The following INPP4B variants were observed in gnomAD, a reference collection of about 807,000 sequenced individuals.
The protein encoded by INPP4B is inositol polyphosphate-4-phosphatase type II B, also known as inositol polyphosphate 4-phosphatase type II.
In INPP4B, 55 loss-of-function variants were observed where a neutral mutation model predicts 122.5. That is an observed-to-expected ratio of 0.45 (90% CI 0.36 to 0.56). The LOEUF is 0.56. INPP4B is among the 20% of genes least tolerant of loss of function. The pLI is 0.00. For synonymous variants in INPP4B, 403 were observed against 388.7 expected (o/e 1.04, Z -0.43); for missense variants, 1,000 against 1,097.7 (o/e 0.91, Z 1.26).
intron 1 of INPP4B, among the ~76,000 whole-genome samples, chr4:142,819,054 T>C (rs1027820210): frequency 6.6e-6 from 1 of 152,178 alleles, no homozygotes; most frequent in Non-Finnish European, 1.5e-5. Context: ...CAGTCATGCG[T>C]TGTGTGCTGG....
At chr4:142,184,152 T>C (rs767240283) in intron 15 of INPP4B, among the ~76,000 whole-genome samples, 28 of 152,218 alleles carry the variant, frequency 1.8e-4, no homozygotes, top group African/African-American at 6.8e-4. Context: ...ATATAGTGCC[T>C]CTTGCCTAAA....
rs1241077122 is a variant in INPP4B at position 142,145,886 on chromosome 4, T to G, written c.1674A>C (p.Gly558=). 3 of 1,613,768 alleles carry G rather than the reference T, an allele frequency of 1.9e-6. No individual in the cohort carries two copies. The highest frequency in any genetic ancestry group is 2.5e-6 in the Non-Finnish European group (3 of 1,179,820). ...CATCTGTTAATGAAGGTTCCTTTTC[T>G]CCATCATTGTTGCCGCCACTGCCTT... ...GSEGSGGNND[G]EKEPSLTDAI... is the part of the protein sequence containing the mutation. Residue 558 remains glycine, a synonymous_variant, in exon 18 of 26, where the codon GGA becomes GGC. Transcript: ENST00000262992.
At chr4:142,739,579 T>A (rs1767596173) in intron 1 of INPP4B, among the ~76,000 whole-genome samples, 1 of 151,876 alleles carries the variant, frequency 6.6e-6, no homozygotes, top group Non-Finnish European at 1.5e-5. Flanking sequence ...CATACTGGTA[T>A]ACATACACCA....
At chr4:142,039,529 T>C (rs904399357) in intron 25 of INPP4B, among the ~76,000 whole-genome samples, 9 of 151,990 alleles carry the variant, frequency 5.9e-5, no homozygotes, top group African/African-American at 1.7e-4. Context: ...GAAGTACCTA[T>C]GGCCAGAATT....
chr4:142,804,138 A>T (rs1778378476), intron 1 of INPP4B, among the ~76,000 whole-genome samples: 1 of 152,080 alleles, frequency 6.6e-6, no homozygotes, highest in South Asian at 2.1e-4. Context: ...CTTCAAAAAG[A>T]ATAGCTCATC....
intron 2 of INPP4B, among the ~76,000 whole-genome samples, chr4:142,572,557 A>C (rs1344217784): frequency 6.6e-6 from 1 of 152,114 alleles, no homozygotes; most frequent in Non-Finnish European, 1.5e-5. Context: ...AATGACTTTA[A>C]TTCTCAGTTT....
chr4:142,270,979 T>C (rs187290129), intron 9 of INPP4B, among the ~76,000 whole-genome samples: 2 of 152,074 alleles, frequency 1.3e-5, no homozygotes, highest in East Asian at 3.9e-4. Flanking sequence ...TTCTTTTTTT[T>C]TGAGATCAAG....
At chr4:142,416,456 G>T in intron 5 of INPP4B, among the ~76,000 whole-genome samples, 1 of 152,100 alleles carries the variant, frequency 6.6e-6, no homozygotes, top group Non-Finnish European at 1.5e-5. Context: ...CTAAATTAAG[G>T]TTAAAAATTA....
chr4:142,834,546 C>T (rs1158796505), intron 1 of INPP4B, among the ~76,000 whole-genome samples: 1 of 152,108 alleles, frequency 6.6e-6, no homozygotes, highest in African/African-American at 2.4e-5. Context: ...ACTAGAGGTC[C>T]TTGAGGGTAC....
At chr4:142,370,969 T>C (rs1309587901) in intron 7 of INPP4B, among the ~76,000 whole-genome samples, 1 of 151,872 alleles carries the variant, frequency 6.6e-6, no homozygotes, top group Non-Finnish European at 1.5e-5. Context: ...AGACCCCAAA[T>C]AGCCAATGCA....
At chr4:142,611,167 G>A (rs1580497343) in intron 2 of INPP4B, among the ~76,000 whole-genome samples, 2 of 152,256 alleles carry the variant, frequency 1.3e-5, no homozygotes, top group South Asian at 4.1e-4. Context: ...GAGCAAGAGA[G>A]AAAGAGGAGA....
At chr4:142,184,993 A>T (rs1832531784) in intron 15 of INPP4B, among the ~76,000 whole-genome samples, 1 of 152,182 alleles carries the variant, frequency 6.6e-6, no homozygotes. Context: ...ATTCCAACCA[A>T]GATAAGGATA....
chr4:142,031,358 T>A (rs1270560550), intron 25 of INPP4B, among the ~76,000 whole-genome samples: 1 of 152,176 alleles, frequency 6.6e-6, no homozygotes, highest in East Asian at 1.9e-4. Flanking sequence ...TGATTTCTAG[T>A]CCTTCGCAAT....
chr4:142,394,389 C>G (rs1405294048), intron 7 of INPP4B, among the ~76,000 whole-genome samples: 1 of 152,216 alleles, frequency 6.6e-6, no homozygotes, highest in Non-Finnish European at 1.5e-5. Flanking sequence ...TCGTGATCTG[C>G]CCGCCTCAGC....
chr4:142,106,275 A>ATGT (rs757634326), intron 23 of INPP4B, among the ~76,000 whole-genome samples: 14 of 152,148 alleles, frequency 9.2e-5, no homozygotes, highest in African/African-American at 2.4e-4. Flanking sequence ...ATAGAATCAC[A>ATGT]TGTTGTTGTT....
intron 2 of INPP4B, among the ~76,000 whole-genome samples, chr4:142,593,104 TAAAAA>T (rs70949176): frequency 7.4e-4 from 106 of 143,208 alleles, no homozygotes; most frequent in South Asian, 3.1e-3. Flanking sequence ...ATCCTGTTTT[TAAAAA>T]AAAAAAAAAA....
At chr4:142,177,140 G>C (rs958676948) in intron 15 of INPP4B, among the ~76,000 whole-genome samples, 1 of 151,970 alleles carries the variant, frequency 6.6e-6, no homozygotes, top group African/African-American at 2.4e-5. Context: ...AGCAGGCATC[G>C]GTTGTTCTGA....
intron 12 of INPP4B, among the ~76,000 whole-genome samples, chr4:142,230,693 G>A (rs1853935329): frequency 6.7e-6 from 1 of 150,062 alleles, no homozygotes; most frequent in African/African-American, 2.4e-5. Context: ...GCCTTCCTTG[G>A]TGTGGATTTG....
chr4:142,776,607 C>A (rs999978584), intron 1 of INPP4B, among the ~76,000 whole-genome samples: 3 of 152,150 alleles, frequency 2.0e-5, no homozygotes, highest in Non-Finnish European at 2.9e-5. Context: ...TCTACATAAG[C>A]ATTTCTGGCA....
Sources: allele counts gnomAD v4.1 joint callset (sites outside exome capture counted in the v4.1 genomes callset), GRCh38; gene constraint gnomAD v4.1.1; transcripts MANE v1.5; gene names NCBI Gene and HGNC (gene_info 2026-07-23, HGNC 2026-07-21).